SYCP2L: variants seen among roughly 807,000 people sequenced by gnomAD.
SYCP2L encodes the protein synaptonemal complex protein 2-like.
Under a neutral mutation model 125.8 loss-of-function variants are expected in SYCP2L, and 98 were observed. That is an observed-to-expected ratio of 0.78 (90% CI 0.66 to 0.92). The LOEUF (loss-of-function observed/expected upper bound fraction) is 0.92. Ranked by LOEUF, SYCP2L falls within the 40% of genes least tolerant of loss-of-function variation. The pLI, the probability that SYCP2L is intolerant of heterozygous loss-of-function variation, is 0.00. For missense variants in SYCP2L, 842 were observed against 936.4 expected (o/e 0.90, Z 1.32); for synonymous variants, 317 against 325.4 (o/e 0.97, Z 0.28).
intron 2 of SYCP2L, 57 bp from the exon 3 acceptor site, chr6:10,893,810 T>C (rs186416932): frequency 2.6e-6 from 4 of 1,564,454 alleles, no homozygotes; most frequent in East Asian, 2.3e-5. Flanking sequence ...GTTAGAAAAT[T>C]ACTATAAAAT....
intron 28 of SYCP2L, among the ~76,000 whole-genome samples, chr6:10,961,957 C>T (rs1363038509): frequency 1.3e-5 from 2 of 152,108 alleles, no homozygotes; most frequent in African/African-American, 2.4e-5. Context: ...CTCATTTACA[C>T]ATTTTTTAAA....
chr6:10,956,323 C>T (rs1781501956), intron 25 of SYCP2L, 81 bp downstream of exon 25: 1 of 1,024,584 alleles, frequency 9.8e-7, no homozygotes, highest in East Asian at 2.6e-5. Context: ...CCAGACAGTA[C>T]CACATGGTCT....
chr6:10,910,080 G>A (rs1780578567), intron 10 of SYCP2L, 68 bp from the exon 11 acceptor site: 9 of 1,328,196 alleles, frequency 6.8e-6, no homozygotes, highest in Non-Finnish European at 9.6e-6. Context: ...GCCTCTGTAT[G>A]CTAAGGTAGT....
chr6:10,928,538 A>AT (rs1290221956), intron 18 of SYCP2L, 88 bp downstream of exon 18: 1 of 1,425,752 alleles, frequency 7.0e-7, no homozygotes, highest in African/African-American at 1.5e-5. Context: ...TTCATGGACC[A>AT]TTTTCTCCTG....
intron 25 of SYCP2L, among the ~76,000 whole-genome samples, chr6:10,958,393 A>G (rs1033572473): frequency 5.9e-5 from 9 of 152,006 alleles, no homozygotes; most frequent in African/African-American, 2.2e-4. Context: ...GGTGCCACAC[A>G]CTTTCAAACA....
chr6:10,934,973 A>G, intron 20 of SYCP2L, 85 bp from the exon 21 acceptor site: 1 of 1,214,592 alleles, frequency 8.2e-7, no homozygotes, highest in Non-Finnish European at 1.1e-6. Flanking sequence ...AGCTTCTTAA[A>G]GTAATATTGA....
At chr6:10,931,381 G>T (rs1240415194) in intron 19 of SYCP2L, 59 bp from the exon 20 acceptor site, 11 of 1,565,984 alleles carry the variant, frequency 7.0e-6, no homozygotes, top group Non-Finnish European at 9.7e-6. Flanking sequence ...ACGGAGTAGA[G>T]AATTTTTATG....
Position 10,887,154 on chromosome 6 carries a change from G to A in SYCP2L, c.9+19G>A, listed in dbSNP as rs147371826. The stretch of plus-strand genomic sequence containing the variant: ...GCAAGCGGTGAGTGACCCCCGAAGG[G>A]CCCGGACCTTCTGTCCACAGTGCTA... On this transcript the variant is annotated intron_variant, in intron 1 of 29. Coordinates refer to ENST00000283141, the MANE Select transcript of SYCP2L (RefSeq NM_001040274.3). 4 of 1,613,944 alleles carry A rather than the reference G, an allele frequency of 2.5e-6. No individual in the cohort carries two copies. The highest frequency in any genetic ancestry group is 2.2e-5 in the South Asian group (2 of 91,082).
intron 23 of SYCP2L, among the ~76,000 whole-genome samples, chr6:10,950,116 A>C (rs1313749543): frequency 1.3e-5 from 2 of 152,200 alleles, no homozygotes; most frequent in Non-Finnish European, 2.9e-5. Flanking sequence ...CACTAACTTC[A>C]ATCACATTTC....
At chr6:10,908,831 G>T (rs892265934) in intron 10 of SYCP2L, among the ~76,000 whole-genome samples, 3 of 152,132 alleles carry the variant, frequency 2.0e-5, no homozygotes, top group Admixed American at 1.3e-4. Flanking sequence ...TAGAGTTTGA[G>T]CCCCACCTCT....
chr6:10,934,156 C>T (rs1456426378), intron 20 of SYCP2L, among the ~76,000 whole-genome samples: 2 of 152,174 alleles, frequency 1.3e-5, no homozygotes, highest in Non-Finnish European at 2.9e-5. Context: ...CTGAAATAAG[C>T]TTGCTTTATT....
intron 25 of SYCP2L, among the ~76,000 whole-genome samples, chr6:10,958,154 A>ATATTAGGCCATTGTGT (rs1781535680): frequency 6.6e-6 from 1 of 151,228 alleles, no homozygotes; most frequent in African/African-American, 2.5e-5. Flanking sequence ...GTGTATTGGT[A>ATATTAGGCCATTGTGT]GTATATTAGG....
At chr6:10,935,939 G>C (rs554607570) in intron 21 of SYCP2L, among the ~76,000 whole-genome samples, 1 of 152,174 alleles carries the variant, frequency 6.6e-6, no homozygotes, top group African/African-American at 2.4e-5. Flanking sequence ...ATCTGACTTG[G>C]GGGCCAGAGT....
chr6:10,948,874 T>C (rs1781361747), intron 23 of SYCP2L, among the ~76,000 whole-genome samples: 2 of 152,208 alleles, frequency 1.3e-5, no homozygotes, highest in African/African-American at 2.4e-5. Flanking sequence ...GCCACTGATA[T>C]ACCCAAGTTC....
chr6:10,902,655 T>C (rs769205433), intron 6 of SYCP2L, 22 bp from the exon 7 acceptor site: 3 of 1,598,766 alleles, frequency 1.9e-6, no homozygotes, highest in South Asian at 2.2e-5. Context: ...ATAAATTTGA[T>C]GCTTTGAAAT....
At position 10,935,195 on chromosome 6, in the gene SYCP2L, A is replaced by C. The variant is rs752997528; in HGVS notation, c.1813+8A>C. The C allele has an allele frequency of 1.2e-6, 2 of 1,609,518 alleles. No homozygotes were observed. The highest frequency in any genetic ancestry group is 1.7e-5 in the Admixed American group (1 of 59,224). On this transcript the variant is annotated splice_region_variant and intron_variant, in intron 21 of 29. Coordinates refer to ENST00000283141, the MANE Select transcript of SYCP2L (RefSeq NM_001040274.3). ...ATTCTGCCCAGAAAACAGGTACATGATTTTCTGTTGACTTACATAGGAAAA... is the reference window on the plus strand; with the variant it reads ...ATTCTGCCCAGAAAACAGGTACATGCTTTTCTGTTGACTTACATAGGAAAA...
At chr6:10,917,574 G>A (rs1242476931) in intron 14 of SYCP2L, among the ~76,000 whole-genome samples, 1 of 152,166 alleles carries the variant, frequency 6.6e-6, no homozygotes, top group Non-Finnish European at 1.5e-5. Flanking sequence ...ACAGCAGATG[G>A]TTGGTGAATT....
chr6:10,916,588 C>A (rs142648069), intron 14 of SYCP2L, among the ~76,000 whole-genome samples: 1,568 of 152,306 alleles, frequency 0.01, 25 homozygotes, highest in Non-Finnish European at 0.015. Flanking sequence ...AATGATCATT[C>A]AGTAGCAGGT....
chr6:10,957,264 T>C (rs149526322), intron 25 of SYCP2L, among the ~76,000 whole-genome samples: 5 of 152,342 alleles, frequency 3.3e-5, no homozygotes, highest in African/African-American at 1.2e-4. Context: ...GTGAAAGTGC[T>C]TCTAAGTGTT....
Sources: gnomAD v4.1 joint callset for allele counts (sites outside exome capture counted in the v4.1 genomes callset) on GRCh38, gnomAD v4.1.1 for gene constraint, MANE v1.5 for transcripts, NCBI Gene and HGNC (gene_info 2026-07-23, HGNC 2026-07-21) for gene names.